The following RNF185 variants were observed in gnomAD, a reference collection of about 807,000 sequenced individuals.
The protein encoded by RNF185 is E3 ubiquitin-protein ligase RNF185.
A neutral mutation model predicts 24.9 loss-of-function variants in RNF185; 13 were observed. The observed-to-expected ratio is 0.52, with a 90% CI of 0.34 to 0.83. The LOEUF (loss-of-function observed/expected upper bound fraction) is 0.83. RNF185 is among the 40% of genes least tolerant of loss of function. The pLI is 0.01. For synonymous variants in RNF185, 79 were observed against 90.3 expected (o/e 0.88, Z 0.71); for missense variants, 184 against 244.7 (o/e 0.75, Z 1.65).
intron 5 of RNF185, among the ~76,000 whole-genome samples, chr22:31,200,472 C>T (rs1277016024): frequency 6.6e-6 from 1 of 152,244 alleles, no homozygotes. Context: ...TCAGTTTGGT[C>T]ATCTGTGAAA....
intron 1 of RNF185, among the ~76,000 whole-genome samples, chr22:31,165,276 C>T (rs1302835764): frequency 6.6e-6 from 1 of 151,996 alleles, no homozygotes; most frequent in African/African-American, 2.4e-5. Flanking sequence ...CTTGTTATTG[C>T]CCACTAAAAA....
chr22:31,197,039 G>A, intron 5 of RNF185, 49 bp downstream of exon 5: 1 of 1,611,534 alleles, frequency 6.2e-7, no homozygotes, highest in Non-Finnish European at 8.5e-7. Context: ...GATGGCTTTA[G>A]AAGTTTCCTT....
chr22:31,165,713 G>A (rs957354408), intron 1 of RNF185, among the ~76,000 whole-genome samples: 3 of 152,154 alleles, frequency 2.0e-5, no homozygotes, highest in African/African-American at 4.8e-5. Context: ...TACTATTTGC[G>A]TCCAGAAATG....
chr22:31,193,939 C>A (rs2048179445), intron 3 of RNF185, among the ~76,000 whole-genome samples: 1 of 148,488 alleles, frequency 6.7e-6, no homozygotes, highest in Non-Finnish European at 1.5e-5. Flanking sequence ...GTCGCCCAGG[C>A]TAGAGTGCAA....
intron 1 of RNF185, among the ~76,000 whole-genome samples, chr22:31,166,854 T>A (rs1288272565): frequency 6.6e-6 from 1 of 152,144 alleles, no homozygotes; most frequent in Non-Finnish European, 1.5e-5. Flanking sequence ...TTCACCATGC[T>A]GGCCAGGCTG....
intron 1 of RNF185, among the ~76,000 whole-genome samples, chr22:31,184,037 G>A (rs1362499175): frequency 1.3e-5 from 2 of 150,332 alleles, no homozygotes; most frequent in Non-Finnish European, 3.0e-5. Context: ...CCTCCCGGAC[G>A]GGGCGGCTGG....
intron 1 of RNF185, among the ~76,000 whole-genome samples, chr22:31,169,915 C>T (rs1422670680): frequency 1.3e-5 from 2 of 152,136 alleles, no homozygotes; most frequent in African/African-American, 2.4e-5. Flanking sequence ...TTTCATTGGT[C>T]GTTGGGAACA....
intron 1 of RNF185, among the ~76,000 whole-genome samples, chr22:31,161,719 T>C (rs1485683623): frequency 1.3e-5 from 2 of 152,172 alleles, no homozygotes; most frequent in Non-Finnish European, 2.9e-5. Flanking sequence ...AGCCTTCTCT[T>C]CCCTGGAACA....
At chr22:31,183,123 C>T (rs1215213150) in intron 1 of RNF185, 1 of 151,854 alleles carries the variant, frequency 6.6e-6, no homozygotes, top group Non-Finnish European at 1.5e-5. Context: ...AGGGTTTCAC[C>T]ATGTTGGCCA....
chr22:31,170,158 G>A (rs751881801), intron 1 of RNF185, among the ~76,000 whole-genome samples: 14 of 152,000 alleles, frequency 9.2e-5, no homozygotes, highest in Admixed American at 3.3e-4. Flanking sequence ...AGTGCCTTGT[G>A]ATGTAACAGT....
At chr22:31,180,251 TCAGGAGTTCAAGAG>T (rs1426567520) in intron 1 of RNF185, among the ~76,000 whole-genome samples, 1 of 152,046 alleles carries the variant, frequency 6.6e-6, no homozygotes, top group African/African-American at 2.4e-5. Context: ...TCACCTGAGG[TCAGGAGTTCAAGAG>T]CAGCCTGGCC....
chr22:31,161,429 G>A (rs557559073), intron 1 of RNF185, among the ~76,000 whole-genome samples: 1 of 152,190 alleles, frequency 6.6e-6, no homozygotes, highest in Non-Finnish European at 1.5e-5. Flanking sequence ...CTGTAAATAA[G>A]GCCAATGCAT....
At position 31,165,683 on chromosome 22, in the gene RNF185, T is replaced by C. The variant is rs532189545; in HGVS notation, c.-49+5380T>C. 1.2e-4 allele frequency among the ~76,000 whole-genome samples: 18 copies of C among 152,308 alleles called. No homozygotes were observed. In the South Asian group the frequency reaches 2.7e-3, roughly 23 times the overall value. The stretch of plus-strand genomic sequence containing the variant: ...TGGCCATGTGGAGTTGGAGTGGCCA[T>C]GGGCAAGTGAAAGGAAGGGTACTAT... On this transcript the variant is annotated intron_variant, in intron 1 of 6. Coordinates refer to ENST00000326132, the MANE Select transcript of RNF185 (RefSeq NM_152267.4).
chr22:31,171,900 G>A (rs1242377578), intron 1 of RNF185, among the ~76,000 whole-genome samples: 4 of 152,014 alleles, frequency 2.6e-5, no homozygotes, highest in Admixed American at 6.6e-5. Flanking sequence ...CCTAGGAGGC[G>A]GAGGTTGCGG....
rs574259709 is a variant in RNF185 at position 31,181,619 on chromosome 22, G to A, written c.-48-5428G>A. On this transcript the variant is annotated intron_variant, in intron 1 of 6. Transcript: ENST00000326132. Reference sequence around the variant, plus strand: ...GGAACCAAGCCAGATGTCCAACAATGGTAGACTGGATTAAGAAAATGTGGC... The same window carrying A: ...GGAACCAAGCCAGATGTCCAACAATAGTAGACTGGATTAAGAAAATGTGGC... Among the ~76,000 whole-genome samples, 5 of 152,256 alleles carry A rather than the reference G, an allele frequency of 3.3e-5. No homozygotes were observed. In the South Asian group the frequency reaches 1.0e-3, roughly 32 times the overall value.
intron 1 of RNF185, among the ~76,000 whole-genome samples, chr22:31,178,966 G>A (rs756355958): frequency 9.2e-5 from 14 of 152,200 alleles, no homozygotes; most frequent in Non-Finnish European, 1.6e-4. Context: ...ATTGCGTGGT[G>A]TCCTGGCCTT....
intron 1 of RNF185, among the ~76,000 whole-genome samples, chr22:31,170,874 C>T (rs1466054346): frequency 6.6e-6 from 1 of 151,996 alleles, no homozygotes; most frequent in Non-Finnish European, 1.5e-5. Flanking sequence ...GCTGCCCAGG[C>T]TGGTCTCAAA....
intron 1 of RNF185, among the ~76,000 whole-genome samples, chr22:31,183,800 T>C (rs1411197020): frequency 6.6e-6 from 1 of 152,200 alleles, no homozygotes; most frequent in Non-Finnish European, 1.5e-5. Context: ...ACAGACACAA[T>C]AACAATCTGA....
chr22:31,172,005 C>T (rs1005861120), intron 1 of RNF185, among the ~76,000 whole-genome samples: 1 of 152,136 alleles, frequency 6.6e-6, no homozygotes, highest in Non-Finnish European at 1.5e-5. Flanking sequence ...ATTGTTTTGT[C>T]AAGTATATAC....
Sources: allele counts gnomAD v4.1 joint callset (sites outside exome capture counted in the v4.1 genomes callset), GRCh38; gene constraint gnomAD v4.1.1; transcripts MANE v1.5; gene names NCBI Gene and HGNC (gene_info 2026-07-23, HGNC 2026-07-21).